Variants in PIKFYVE observed in about 807,000 individuals in gnomAD.
PIKFYVE encodes phosphoinositide kinase, FYVE-type zinc finger containing.
In PIKFYVE, 122 loss-of-function variants were observed where a neutral mutation model predicts 257.9. That is an observed-to-expected ratio of 0.47 (90% confidence interval 0.41 to 0.55). The LOEUF is 0.55. Among genes scored for constraint, PIKFYVE ranks in the 20% least tolerant of loss-of-function variants. The probability of loss-of-function intolerance (pLI) is 0.00; values close to 1 mark genes in which losing one functional copy is unlikely to be tolerated. For missense variants in PIKFYVE, 2,160 were observed against 2,536.6 expected (o/e 0.85, Z 3.19); for synonymous variants, 892 against 868.9 (o/e 1.03, Z -0.47).
At position 208,338,516 on chromosome 2, in the gene PIKFYVE, G is replaced by A. The variant is rs760717016; in HGVS notation, c.4620G>A (p.Ala1540=). 17 of 1,612,976 alleles carry A rather than the reference G, an allele frequency of 1.1e-5. No homozygotes were observed. Among genetic ancestry groups the A allele is most frequent in the Middle Eastern group, 1.6e-4 (1 of 6,078 alleles). ...LRQGEESKIS[A]MDASPRNISP... ...TATTTACTTCTCTACAGATAAGTGC[G>A]ATGGATGCATCTCCACGGAATATTT... The change falls in exon 29 of 42, where the codon GCG becomes GCA. Residue 1540 remains alanine, a synonymous_variant. Transcript: ENST00000264380.
In PIKFYVE at chr2:208,315,220, A is replaced by G; in HGVS notation, c.1854A>G (p.Ala618=). 1.2e-6 allele frequency: 2 copies of G among 1,614,098 alleles called. No individual in the cohort carries two copies. The highest frequency in any genetic ancestry group is 1.7e-6 in the Non-Finnish European group (2 of 1,179,962). ...LLSANHNHMM[A]LLQQLLHSDS... ...CAGCTAATCATAACCACATGATGGC[A>G]CTACTCCAGCAGTTGCTCCATAGTG... The change falls in exon 15 of 42, where the codon GCA becomes GCG. Residue 618 remains alanine (A), a synonymous_variant. Transcript: ENST00000264380.
At chr2:208,276,573 A>T in intron 3 of PIKFYVE, 139 bp from the exon 4 acceptor site, 85 of 685,358 alleles carry the variant, frequency 1.2e-4, no homozygotes, top group East Asian at 2.1e-4. Flanking sequence ...GACTTGTTTT[A>T]ACTCTCAATT....
intron 1 of PIKFYVE, among the ~76,000 whole-genome samples, chr2:208,268,187 A>G (rs1426374120): frequency 6.6e-6 from 1 of 152,062 alleles, no homozygotes; most frequent in African/African-American, 2.4e-5. Flanking sequence ...GGTTAACTAT[A>G]TGATTGGGTT....
At chr2:208,279,422 T>C (rs906017963) in intron 5 of PIKFYVE, among the ~76,000 whole-genome samples, 1 of 152,172 alleles carries the variant, frequency 6.6e-6, no homozygotes, top group Non-Finnish European at 1.5e-5. Flanking sequence ...CACATGTCAA[T>C]TTTTGTTTTT....
chr2:208,328,236 T>G lies in PIKFYVE; in HGVS notation c.3675T>G (p.Ser1225=). The G allele has an allele frequency of 1.9e-6, 3 of 1,614,010 alleles. No homozygotes were observed. Among genetic ancestry groups the G allele is most frequent in the Admixed American group, 1.7e-5 (1 of 60,018 alleles). ...GACTTTGTGTGCTCTTCAGCAGCTC[T>G]TCTGCCCAGTCCAGCAATGCTCCTA... ...HQRLCVLFSS[S]SAQSSNAPSA... The change falls in exon 21 of 42, where the codon TCT becomes TCG. Residue 1225 remains serine, a synonymous_variant. Transcript: ENST00000264380.
intron 32 of PIKFYVE, 149 bp from the exon 33 acceptor site, chr2:208,344,962 G>T: frequency 1.6e-6 from 1 of 617,310 alleles, no homozygotes; most frequent in Non-Finnish European, 2.9e-6. Context: ...GCTTCTACTT[G>T]ATTGCTTTTG....
Position 208,266,609 on chromosome 2 carries a change from C to T in PIKFYVE, c.-10+194C>T, listed in dbSNP as rs113127381. The stretch of plus-strand genomic sequence containing the variant: ...AGAATTAGCTTGTCCTCCCTATTCC[C>T]CGGCTGCCTTGTCTGGCGAGTGGGG... On this transcript the variant is annotated intron_variant, in intron 1 of 41. Transcript: ENST00000264380. 7.9e-3 allele frequency among the ~76,000 whole-genome samples: 1,199 copies of T among 152,344 alleles called. 6 individuals carry two copies. The highest frequency in any genetic ancestry group is 0.012 in the Non-Finnish European group (836 of 68,030).
At chr2:208,269,892 G>T in intron 1 of PIKFYVE, 1 of 297,544 alleles carries the variant, frequency 3.4e-6, no homozygotes. Context: ...TGCTGCTGCT[G>T]GCTTGGCAGC....
chr2:208,315,482 G>A (rs1695395530), intron 15 of PIKFYVE, 109 bp downstream of exon 15: 2 of 1,319,912 alleles, frequency 1.5e-6, no homozygotes, highest in African/African-American at 3.0e-5. Flanking sequence ...AGGGGTGCTA[G>A]GTGAGGAGTA....
intron 1 of PIKFYVE, chr2:208,269,248 T>A (rs1689091829): frequency 6.6e-6 from 1 of 152,354 alleles, no homozygotes; most frequent in Non-Finnish European, 1.5e-5. Flanking sequence ...AACCTTGTCT[T>A]TATTTTGAAA....
chr2:208,323,741 T>A (rs1696585354), intron 17 of PIKFYVE, among the ~76,000 whole-genome samples: 1 of 152,228 alleles, frequency 6.6e-6, no homozygotes, highest in South Asian at 2.1e-4. Context: ...GTAAAAGTGT[T>A]CCTATTTCTC....
At position 208,277,520 on chromosome 2, in the gene PIKFYVE, C is replaced by T; in HGVS notation, c.442-17C>T. The T allele has an allele frequency of 6.2e-7, 1 of 1,612,604 alleles. No individual in the cohort carries two copies. Among genetic ancestry groups the T allele is most frequent in the Middle Eastern group, 1.7e-4 (1 of 6,058 alleles). On this transcript the variant is annotated splice_polypyrimidine_tract_variant and intron_variant, in intron 4 of 41. Coordinates refer to ENST00000264380, the MANE Select transcript of PIKFYVE (RefSeq NM_015040.4). The stretch of plus-strand genomic sequence containing the variant: ...TCAGTATTTTCAAGAAGCCTTCACA[C>T]ATTTTTATTGTTATAGGATAGTGAC...
intron 23 of PIKFYVE, among the ~76,000 whole-genome samples, chr2:208,331,717 T>C (rs1306438684): frequency 6.6e-6 from 1 of 152,150 alleles, no homozygotes; most frequent in Non-Finnish European, 1.5e-5. Context: ...AAGGCACATA[T>C]GGGAATTATA....
At chr2:208,319,879 TTTTA>T (rs1186904132) in intron 16 of PIKFYVE, among the ~76,000 whole-genome samples, 1 of 152,188 alleles carries the variant, frequency 6.6e-6, no homozygotes, top group Non-Finnish European at 1.5e-5. Context: ...TAAAATATGC[TTTTA>T]AAGTTGCTTA....
intron 37 of PIKFYVE, 71 bp downstream of exon 37, chr2:208,351,018 A>G: frequency 6.4e-7 from 1 of 1,574,248 alleles, no homozygotes; most frequent in Non-Finnish European, 8.7e-7. Flanking sequence ...ATGCAGCAGG[A>G]AGGATATTGC....
intron 3 of PIKFYVE, among the ~76,000 whole-genome samples, chr2:208,276,308 T>A (rs945983404): frequency 1.3e-5 from 2 of 152,234 alleles, no homozygotes; most frequent in Non-Finnish European, 2.9e-5. Flanking sequence ...TGTTTGACTT[T>A]AGAGACCAAG....
intron 5 of PIKFYVE, among the ~76,000 whole-genome samples, chr2:208,282,163 A>G (rs1054186945): frequency 2.6e-5 from 4 of 152,250 alleles, no homozygotes; most frequent in African/African-American, 9.6e-5. Flanking sequence ...GATTAGGAGT[A>G]TCTGTAGGTG....
chr2:208,267,898 C>T (rs1175945830), intron 1 of PIKFYVE, among the ~76,000 whole-genome samples: 1 of 152,182 alleles, frequency 6.6e-6, no homozygotes, highest in Non-Finnish European at 1.5e-5. Context: ...CCTGCCTCGG[C>T]CTCCCAAAGT....
At chr2:208,300,144 C>G (rs1693503945) in intron 8 of PIKFYVE, among the ~76,000 whole-genome samples, 1 of 152,052 alleles carries the variant, frequency 6.6e-6, no homozygotes, top group South Asian at 2.1e-4. Context: ...AAATAAATGA[C>G]TATATGTCAT....
Sources: allele counts gnomAD v4.1 joint callset (sites outside exome capture counted in the v4.1 genomes callset), GRCh38; gene constraint gnomAD v4.1.1; transcripts MANE v1.5; gene names NCBI Gene and HGNC (gene_info 2026-07-23, HGNC 2026-07-21).